ARHGEF28: variants seen among roughly 807,000 people sequenced by gnomAD.
The protein encoded by ARHGEF28 is Rho guanine nucleotide exchange factor 28.
Under a neutral mutation model 206.6 loss-of-function variants are expected in ARHGEF28, and 152 were observed. The observed-to-expected ratio is 0.74, with a 90% CI of 0.64 to 0.84. The LOEUF (loss-of-function observed/expected upper bound fraction) is 0.84, where lower values mean the gene tolerates loss of function less well. Among genes scored for constraint, ARHGEF28 ranks in the 40% least tolerant of loss-of-function variants. The pLI is 0.00. For missense variants in ARHGEF28, 2,028 were observed against 2,073.2 expected, an observed-to-expected ratio of 0.98 and a Z score of 0.42; for synonymous variants, 763 against 776.4, an observed-to-expected ratio of 0.98 and a Z score of 0.29.
intron 35 of ARHGEF28, among the ~76,000 whole-genome samples, chr5:73,915,782 T>C (rs1394290746): frequency 2.0e-5 from 3 of 152,218 alleles, no homozygotes; most frequent in Non-Finnish European, 2.9e-5. Context: ...GGTATAAAAA[T>C]CTGAAATCCT....
intron 14 of ARHGEF28, among the ~76,000 whole-genome samples, chr5:73,854,088 T>C (rs1424138451): frequency 6.6e-6 from 1 of 152,126 alleles, no homozygotes; most frequent in Non-Finnish European, 1.5e-5. Flanking sequence ...CCTGAAAGCA[T>C]CTTACTCTCT....
chr5:73,656,093 C>T (rs969691278), intron 1 of ARHGEF28, among the ~76,000 whole-genome samples: 1 of 152,228 alleles, frequency 6.6e-6, no homozygotes, highest in Middle Eastern at 3.2e-3. Context: ...TGTTCCAGCT[C>T]AGGCTCTGCA....
intron 31 of ARHGEF28, 33 bp downstream of exon 31, chr5:73,901,317 C>T (rs370049720): frequency 1.1e-5 from 17 of 1,572,830 alleles, no homozygotes; most frequent in African/African-American, 8.1e-5. Flanking sequence ...TAAACGGCAG[C>T]GGTTACTGTG....
chr5:73,886,068 C>T lies in ARHGEF28; in HGVS notation c.3274C>T (p.Leu1092Phe). 6.2e-7 allele frequency: 1 copy of T among 1,613,390 alleles called. No homozygotes were observed. Among genetic ancestry groups the T allele is most frequent in the South Asian group, 1.1e-5 (1 of 90,834 alleles). Reference protein sequence around the residue: ...SEERTLLYDGLVYWKTATGRF... With the variant: ...SEERTLLYDGFVYWKTATGRF... ...AGAAAGGACTCTGTTATATGATGGC[C>T]TTGTTTACTGGAAAACTGCTACAGG... is the stretch of plus-strand genomic sequence containing the variant. Residue 1092 changes from leucine (L) to phenylalanine (F), a missense_variant, in exon 25 of 36, where the codon CTT (leucine) becomes TTT (phenylalanine). Leu to Phe is a conservative substitution (Grantham distance 22). Transcript: ENST00000513042.
chr5:73,643,659 G>T (rs952658897), intron 1 of ARHGEF28, among the ~76,000 whole-genome samples: 2 of 151,906 alleles, frequency 1.3e-5, no homozygotes, highest in African/African-American at 4.8e-5. Flanking sequence ...TACAAAAAAT[G>T]CAAAAATCAA....
intron 35 of ARHGEF28, among the ~76,000 whole-genome samples, chr5:73,926,568 T>A (rs371934239): frequency 2.6e-5 from 4 of 152,210 alleles, no homozygotes; most frequent in African/African-American, 9.6e-5. Flanking sequence ...TGTGACATCT[T>A]GCATTCTCTC....
chr5:73,722,107 CAT>C (rs1372674404), intron 2 of ARHGEF28, among the ~76,000 whole-genome samples: 2 of 152,200 alleles, frequency 1.3e-5, no homozygotes. Flanking sequence ...ATATCTGACA[CAT>C]GTGACTTAGA....
intron 1 of ARHGEF28, among the ~76,000 whole-genome samples, chr5:73,632,921 T>C (rs962670072): frequency 1.3e-5 from 2 of 152,016 alleles, no homozygotes; most frequent in Admixed American, 1.3e-4. Context: ...TTATTGTACA[T>C]TTTATATAAT....
At chr5:73,683,925 C>T (rs1340578746) in intron 1 of ARHGEF28, among the ~76,000 whole-genome samples, 1 of 152,032 alleles carries the variant, frequency 6.6e-6, no homozygotes, top group Non-Finnish European at 1.5e-5. Flanking sequence ...GGGATAGTGT[C>T]TGGGGTCATA....
chr5:73,820,505 T>C (rs1756510628), intron 9 of ARHGEF28, among the ~76,000 whole-genome samples: 1 of 152,106 alleles, frequency 6.6e-6, no homozygotes. Flanking sequence ...GTATGAGTGC[T>C]TTATTACTGG....
intron 30 of ARHGEF28, chr5:73,900,784 A>G (rs3828583): frequency 0.47 from 76,898 of 164,996 alleles, 18,773 homozygotes; most frequent in African/African-American, 0.62. Flanking sequence ...TTACAGACTT[A>G]AGTCTGCCAA....
intron 4 of ARHGEF28, among the ~76,000 whole-genome samples, chr5:73,770,426 G>A (rs949730535): frequency 2.6e-5 from 4 of 152,138 alleles, no homozygotes; most frequent in Non-Finnish European, 5.9e-5. Context: ...TGATGTTATA[G>A]GTCGTACCTT....
chr5:73,679,566 CAAAAAAAAAAAA>C (rs552307895), intron 1 of ARHGEF28, among the ~76,000 whole-genome samples: 2 of 62,498 alleles, frequency 3.2e-5, no homozygotes, highest in Non-Finnish European at 6.8e-5. Context: ...GACTCTGTCT[CAAAAAAAAAAAA>C]AAAAAAAAGT....
chr5:73,885,362 C>T (rs73763161), intron 24 of ARHGEF28, among the ~76,000 whole-genome samples: 4,624 of 152,114 alleles, frequency 0.03, 241 homozygotes, highest in African/African-American at 0.1. Flanking sequence ...TTACTGTCAG[C>T]GGAAGGACTA....
At chr5:73,905,851 C>G (rs948097944) in intron 33 of ARHGEF28, among the ~76,000 whole-genome samples, 3 of 152,198 alleles carry the variant, frequency 2.0e-5, no homozygotes, top group African/African-American at 7.2e-5. Flanking sequence ...ATAATCAAAT[C>G]AACCACCATT....
chr5:73,910,306 A>G (rs1213307933), intron 34 of ARHGEF28, among the ~76,000 whole-genome samples: 1 of 140,090 alleles, frequency 7.1e-6, no homozygotes, highest in Non-Finnish European at 1.5e-5. Context: ...ACTTGAACCC[A>G]TGAGGCGGAG....
intron 20 of ARHGEF28, among the ~76,000 whole-genome samples, chr5:73,869,731 A>G (rs1218947586): frequency 6.6e-6 from 1 of 152,052 alleles, no homozygotes; most frequent in Admixed American, 6.6e-5. Flanking sequence ...ACATGGTGAA[A>G]CCCCATCTCT....
At chr5:73,895,296 A>G (rs1262541937) in intron 29 of ARHGEF28, among the ~76,000 whole-genome samples, 1 of 152,190 alleles carries the variant, frequency 6.6e-6, no homozygotes, top group African/African-American at 2.4e-5. Flanking sequence ...GAGAAAGTCC[A>G]GAGGATGAGA....
intron 16 of ARHGEF28, among the ~76,000 whole-genome samples, chr5:73,864,075 G>A (rs1759557591): frequency 6.6e-6 from 1 of 152,108 alleles, no homozygotes; most frequent in Non-Finnish European, 1.5e-5. Context: ...ATGCTACAGT[G>A]TGTGTGGGAT....
Sources: gnomAD v4.1 joint callset for allele counts (sites outside exome capture counted in the v4.1 genomes callset) on GRCh38, gnomAD v4.1.1 for gene constraint, MANE v1.5 for transcripts, NCBI Gene and HGNC (gene_info 2026-07-23, HGNC 2026-07-21) for gene names.